The following DMD variants were observed in gnomAD, a reference collection of about 807,000 sequenced individuals.
DMD encodes mutant dystrophin.
A neutral mutation model predicts 330.1 loss-of-function variants in DMD; 63 were observed. That is an observed-to-expected ratio of 0.19 (90% CI 0.16 to 0.24). DMD has a LOEUF of 0.24. Ranked by LOEUF, DMD falls within the 10% of genes least tolerant of loss-of-function variation. DMD has a pLI of 1.00. For missense variants in DMD, 3,344 were observed against 2,684.1 expected (o/e 1.25, Z -5.43); for synonymous variants, 1,223 against 959.8 (o/e 1.27, Z -5.07).
At chrX:31,823,713 G>A (rs2092826078) in intron 49 of DMD, among the ~76,000 whole-genome samples, 1 of 110,099 alleles carries the variant, frequency 9.1e-6, no homozygotes, top group Non-Finnish European at 1.9e-5. Context: ...TAGCTACTCA[G>A]TACTACTACT....
chrX:32,193,168 C>T (rs1210177908), intron 44 of DMD, among the ~76,000 whole-genome samples: 1 of 111,497 alleles, frequency 9.0e-6, no homozygotes. Flanking sequence ...TTCCCGAAGC[C>T]TCCACAGAAG....
chrX:31,842,869 C>T (rs1023608216), intron 48 of DMD, among the ~76,000 whole-genome samples: 19 of 111,249 alleles, frequency 1.7e-4, no homozygotes, highest in African/African-American at 6.2e-4. Flanking sequence ...ACTCTTGCCC[C>T]TTCCTTATCT....
At chrX:31,816,574 G>A (rs975244131) in intron 50 of DMD, among the ~76,000 whole-genome samples, 3 of 109,842 alleles carry the variant, frequency 2.7e-5, no homozygotes, top group South Asian at 4.0e-4. Flanking sequence ...TGAGGCAGGC[G>A]GATCACTTGA....
chrX:31,524,262 A>AT (rs1362824645), intron 55 of DMD, among the ~76,000 whole-genome samples: 1 of 111,844 alleles, frequency 8.9e-6, no homozygotes, highest in Non-Finnish European at 1.9e-5. Context: ...ATTTTCTGTT[A>AT]TTGCATGGGC....
chrX:31,436,283 A>G (rs145196194), intron 60 of DMD, among the ~76,000 whole-genome samples: 242 of 112,468 alleles, frequency 2.2e-3, no homozygotes, highest in African/African-American at 7.6e-3. Context: ...TTAATACTTT[A>G]TAATGATTTG....
intron 1 of DMD, among the ~76,000 whole-genome samples, chrX:33,262,153 T>C (rs1314405204): frequency 2.7e-5 from 3 of 111,505 alleles, no homozygotes; most frequent in Admixed American, 9.6e-5. Flanking sequence ...AAAAAAGCTA[T>C]AAATGTTGGA....
At chrX:32,517,632 T>C (rs2045981281) in intron 18 of DMD, 1 of 212,194 alleles carries the variant, frequency 4.7e-6, no homozygotes, top group Non-Finnish European at 8.5e-6. Flanking sequence ...ATTATATTAT[T>C]CTATTCTATT....
At chrX:32,182,965 T>C (rs749583925) in intron 44 of DMD, among the ~76,000 whole-genome samples, 1 of 111,548 alleles carries the variant, frequency 9.0e-6, no homozygotes, top group Non-Finnish European at 1.9e-5. Flanking sequence ...ATCAAAAGTC[T>C]ATTCTTTTTC....
rs780613689 is a variant in DMD, at chrX:33,195,152, T to C, written c.31+16130A>G. On this transcript the variant is annotated intron_variant, in intron 1 of 78. Coordinates refer to ENST00000357033, the MANE Select transcript of DMD (RefSeq NM_004006.3). ...AAAACAGATGAAAGATTTCCAATCA[T>C]TGTGGCCAGCTCCCAGGGTGGAAAA... is the stretch of plus-strand genomic sequence containing the variant. Among the ~76,000 whole-genome samples, 131 of 111,685 alleles carry C rather than the reference T, an allele frequency of 1.2e-3. 1 individual carries two copies. The highest frequency in any genetic ancestry group is 4.1e-3 in the African/African-American group (126 of 30,756).
chrX:31,989,568 G>T (rs1359380742), intron 44 of DMD, among the ~76,000 whole-genome samples: 1 of 110,591 alleles, frequency 9.0e-6, no homozygotes, highest in African/African-American at 3.3e-5. Context: ...ATTTACAAGC[G>T]CAAGAAAAAA....
At chrX:31,341,895 A>G (rs935496567) in intron 61 of DMD, among the ~76,000 whole-genome samples, 999 of 68,875 alleles carry the variant, frequency 0.015, 7 homozygotes, top group African/African-American at 0.048. Context: ...GCGCGCGCAC[A>G]CACACACACA....
intron 17 of DMD, among the ~76,000 whole-genome samples, chrX:32,543,054 A>G (rs1220270679): frequency 8.9e-6 from 1 of 111,919 alleles, no homozygotes; most frequent in Non-Finnish European, 1.9e-5. Flanking sequence ...AGCTGTGTAT[A>G]ATTTTATAAA....
intron 49 of DMD, among the ~76,000 whole-genome samples, chrX:31,820,331 T>TGCAA (rs1031215731): frequency 5.4e-5 from 6 of 111,884 alleles, no homozygotes; most frequent in African/African-American, 2.0e-4. Flanking sequence ...GGAAGTAGAG[T>TGCAA]GCAAACATTA....
chrX:32,818,988 T>A (rs1366232967), intron 5 of DMD, among the ~76,000 whole-genome samples: 2 of 102,733 alleles, frequency 1.9e-5, no homozygotes, highest in Non-Finnish European at 2.0e-5. Flanking sequence ...TCCTGTCACC[T>A]CTGCCCTTCT....
chrX:31,685,640 T>A (rs773741664), intron 52 of DMD, among the ~76,000 whole-genome samples: 1 of 112,533 alleles, frequency 8.9e-6, no homozygotes, highest in South Asian at 3.7e-4. Flanking sequence ...GGCCCATCTA[T>A]CTGCCGTTGG....
chrX:32,595,438 C>T (rs1230756553), intron 13 of DMD, among the ~76,000 whole-genome samples: 1 of 111,545 alleles, frequency 9.0e-6, no homozygotes, highest in South Asian at 3.7e-4. Flanking sequence ...TACTCCATGC[C>T]TTAGAAAAAT....
At chrX:32,885,077 ATCAT>A (rs2084387473) in intron 2 of DMD, among the ~76,000 whole-genome samples, 1 of 111,861 alleles carries the variant, frequency 8.9e-6, no homozygotes. Flanking sequence ...CTCACACGTA[ATCAT>A]TTATTAAAAA....
intron 60 of DMD, among the ~76,000 whole-genome samples, chrX:31,403,311 G>T (rs1394039666): frequency 8.9e-6 from 1 of 111,811 alleles, no homozygotes; most frequent in Admixed American, 9.5e-5. Flanking sequence ...TCTGATGAGA[G>T]CATGTAGTAT....
intron 53 of DMD, among the ~76,000 whole-genome samples, chrX:31,661,537 C>T (rs2081126361): frequency 8.9e-6 from 1 of 111,836 alleles, no homozygotes; most frequent in East Asian, 2.8e-4. Flanking sequence ...TAACTCCAGA[C>T]CTCAGAAGGA....
Sources: gnomAD v4.1 joint callset for allele counts (sites outside exome capture counted in the v4.1 genomes callset) on GRCh38, gnomAD v4.1.1 for gene constraint, MANE v1.5 for transcripts, NCBI Gene and HGNC (gene_info 2026-07-23, HGNC 2026-07-21) for gene names.